The following CDK19 variants were observed in gnomAD, a reference collection of about 807,000 sequenced individuals.
The protein encoded by CDK19 is cyclin dependent kinase 19.
A neutral mutation model predicts 68.3 loss-of-function variants in CDK19; 20 were observed. The ratio of observed to expected loss-of-function variants is 0.29; its 90% confidence interval spans 0.21 to 0.43. The LOEUF (loss-of-function observed/expected upper bound fraction) is 0.43, where lower values mean the gene tolerates loss of function less well. Among genes scored for constraint, CDK19 ranks in the 20% least tolerant of loss-of-function variants. CDK19 has a pLI of 1.00. For synonymous variants in CDK19, 221 were observed against 222.8 expected, an observed-to-expected ratio of 0.99 and a Z score of 0.07; for missense variants, 339 against 623.5, an observed-to-expected ratio of 0.54 and a Z score of 4.86.
At chr6:110,772,398 C>A (rs1583065964) in intron 1 of CDK19, among the ~76,000 whole-genome samples, 1 of 151,964 alleles carries the variant, frequency 6.6e-6, no homozygotes, top group Non-Finnish European at 1.5e-5. Context: ...AAATTATCTC[C>A]CACCGAGTCC....
intron 4 of CDK19, among the ~76,000 whole-genome samples, chr6:110,658,809 G>T (rs1781453876): frequency 6.6e-6 from 1 of 151,074 alleles, no homozygotes; most frequent in African/African-American, 2.5e-5. Flanking sequence ...CAGGCATTCT[G>T]GGGGGAAAAA....
chr6:110,649,293 TACA>T (rs1318745607), intron 4 of CDK19, among the ~76,000 whole-genome samples: 1 of 152,122 alleles, frequency 6.6e-6, no homozygotes, highest in East Asian at 1.9e-4. Flanking sequence ...ATGGTGTTGG[TACA>T]ACAAGTTATC....
In CDK19 at chr6:110,815,278, C is replaced by G. The variant is rs1400522319; in HGVS notation, c.-142G>C. The G allele has an allele frequency of 6.2e-6, 6 of 964,212 alleles. No homozygotes were observed. Among genetic ancestry groups the G allele is most frequent in the Non-Finnish European group, 8.3e-6 (6 of 721,850 alleles). The allele number at this position is 964,212 out of a possible 1,614,324, so 59.7% of individuals were successfully genotyped here. A position where few individuals can be genotyped will look rare whatever the true frequency, so the allele number is the denominator to read the frequency against. On this transcript the variant is annotated 5_prime_UTR_variant, in exon 1 of 13. Coordinates refer to ENST00000368911, the MANE Select transcript of CDK19 (RefSeq NM_015076.5). ...GCGCGCCGCCCGCCGCCCGCCGCTC[C>G]GCGGTCCGCCTTCAGCAAGGGACTC...
In CDK19 at chr6:110,632,035, G is replaced by T; in HGVS notation, c.641C>A (p.Ala214Asp). The T allele has an allele frequency of 6.2e-7, 1 of 1,603,478 alleles. No individual in the cohort carries two copies. The highest frequency in any genetic ancestry group is 8.5e-7 in the Non-Finnish European group (1 of 1,173,294). ...ATCATTTTAGACCAACTTACCAATG[G>T]CCTTTGTATAATGCCTTGCACCAAG... ...LLLGARHYTK[A>D]IDIWAIGCIF... Residue 214 changes from alanine (A) to aspartate (D), a missense_variant, in exon 6 of 13, where the codon GCC becomes GAC. By Grantham distance (126) the Ala-to-Asp change is moderately radical. This residue lies in a region of CDK19 where 63 missense variants were observed against 156.5 expected (regional missense o/e 0.40). Coordinates refer to ENST00000368911, the MANE Select transcript of CDK19 (RefSeq NM_015076.5).
chr6:110,693,562 G>A (rs1259417070), intron 2 of CDK19, among the ~76,000 whole-genome samples: 1 of 152,208 alleles, frequency 6.6e-6, no homozygotes, highest in African/African-American at 2.4e-5. Context: ...GCTGTTAGTG[G>A]GGCACAACAG....
chr6:110,684,514 A>G (rs1028930054), intron 2 of CDK19, among the ~76,000 whole-genome samples: 21 of 152,132 alleles, frequency 1.4e-4, no homozygotes, highest in African/African-American at 5.1e-4. Context: ...CTGGCTTAAA[A>G]GAAAAAAGTA....
In CDK19 at chr6:110,646,931, CT is replaced by C. The variant is rs576327858; in HGVS notation, c.457-8226del. On this transcript the variant is annotated intron_variant, in intron 4 of 12. Transcript: ENST00000368911. Reference sequence around the variant, plus strand: ...GGCCGCGTGACCGCCCGCCTCCAGTCTTTTGTGGAGGGAACCCAGGATCCTG... The same window carrying C: ...GGCCGCGTGACCGCCCGCCTCCAGTCTTTGTGGAGGGAACCCAGGATCCTG... Among the ~76,000 whole-genome samples the C allele has an allele frequency of 2.4e-3, 366 of 152,184 alleles. 1 individual carries two copies. Among genetic ancestry groups the C allele is most frequent in the African/African-American group, 8.5e-3 (354 of 41,516 alleles).
At chr6:110,674,310 C>G (rs1010843831) in intron 2 of CDK19, among the ~76,000 whole-genome samples, 5 of 152,154 alleles carry the variant, frequency 3.3e-5, no homozygotes, top group Admixed American at 6.5e-5. Context: ...ACTAATAAAA[C>G]TACAATGGCC....
At chr6:110,777,110 T>C (rs957733972) in intron 1 of CDK19, among the ~76,000 whole-genome samples, 4 of 152,184 alleles carry the variant, frequency 2.6e-5, no homozygotes, top group African/African-American at 4.8e-5. Context: ...GCCAAACAAT[T>C]ATATGTGTTC....
intron 1 of CDK19, among the ~76,000 whole-genome samples, chr6:110,752,306 T>TA (rs1451619811): frequency 6.6e-6 from 1 of 152,252 alleles, no homozygotes; most frequent in Non-Finnish European, 1.5e-5. Flanking sequence ...CTACTGCCTC[T>TA]ACTTTTCTTA....
At chr6:110,787,100 G>C (rs576570450) in intron 1 of CDK19, among the ~76,000 whole-genome samples, 1 of 152,108 alleles carries the variant, frequency 6.6e-6, no homozygotes, top group South Asian at 2.1e-4. Context: ...GGCCAGGCGC[G>C]GTGGCTCACA....
At chr6:110,814,087 A>G (rs557963373) in intron 1 of CDK19, 1 of 160,024 alleles carries the variant, frequency 6.2e-6, no homozygotes, top group South Asian at 1.6e-4. Context: ...CAACCAGTAA[A>G]GGCTTCCCAA....
intron 1 of CDK19, among the ~76,000 whole-genome samples, chr6:110,746,940 A>C (rs1422092547): frequency 2.0e-5 from 3 of 152,234 alleles, no homozygotes; most frequent in Admixed American, 2.0e-4. Context: ...ATAAGCAGCT[A>C]GTACAATACA....
At chr6:110,785,635 G>A (rs112298974) in intron 1 of CDK19, among the ~76,000 whole-genome samples, 1 of 152,116 alleles carries the variant, frequency 6.6e-6, no homozygotes, top group Non-Finnish European at 1.5e-5. Context: ...CAGAGGCGGA[G>A]GAGGTAGAAG....
At chr6:110,809,212 C>CAA (rs1274348322) in intron 1 of CDK19, among the ~76,000 whole-genome samples, 33 of 102,540 alleles carry the variant, frequency 3.2e-4, no homozygotes, top group African/African-American at 1.1e-3. Flanking sequence ...GACTCCATCT[C>CAA]AAAAAAAAAA....
chr6:110,627,138 C>T lies in CDK19; in HGVS notation c.654G>A (p.Trp218Ter), dbSNP rs916860957. 1 of 1,605,306 alleles carries T rather than the reference C, an allele frequency of 6.2e-7. No individual in the cohort carries two copies. Among genetic ancestry groups the T allele is most frequent in the African/African-American group, 1.3e-5 (1 of 74,592 alleles). Residue 218 changes from tryptophan (W) to a stop codon, truncating the protein, a stop_gained, in exon 7 of 13, where the codon TGG (tryptophan) becomes TGA (stop). Transcript: ENST00000368911. LOFTEE classifies it high-confidence loss of function. ...ARHYTKAIDI[W>*]AIGCIFAELL... ...ATTCAGCAAATATACAACCTATTGC[C>T]CATATATCTGGGAAGGAAGAAACAT... is the stretch of plus-strand genomic sequence containing the variant.
At chr6:110,754,611 C>CT (rs907103384) in intron 1 of CDK19, among the ~76,000 whole-genome samples, 1 of 151,772 alleles carries the variant, frequency 6.6e-6, no homozygotes, top group Non-Finnish European at 1.5e-5. Context: ...TCCCAAGTAG[C>CT]TGGGATTACA....
intron 1 of CDK19, among the ~76,000 whole-genome samples, chr6:110,753,530 GCAC>G (rs1778620591): frequency 1.3e-5 from 2 of 149,106 alleles, no homozygotes; most frequent in African/African-American, 2.5e-5. Flanking sequence ...CTATAGGTGT[GCAC>G]CACCACACCT....
intron 2 of CDK19, among the ~76,000 whole-genome samples, chr6:110,695,812 G>C (rs895059376): frequency 6.6e-6 from 1 of 151,368 alleles, no homozygotes. Flanking sequence ...TAGAAACTCT[G>C]AACAGACCAA....
Sources: allele counts gnomAD v4.1 joint callset (sites outside exome capture counted in the v4.1 genomes callset), GRCh38; gene constraint gnomAD v4.1.1; regional missense constraint gnomAD v4.1.1; transcripts MANE v1.5; gene names NCBI Gene and HGNC (gene_info 2026-07-23, HGNC 2026-07-21).